The following IQGAP2 variants were observed in gnomAD, a reference collection of about 807,000 sequenced individuals.
IQGAP2 encodes the protein ras GTPase-activating-like protein IQGAP2.
In IQGAP2, 173 loss-of-function variants were observed where a neutral mutation model predicts 201.3. That is an observed-to-expected ratio of 0.86 (90% CI 0.76 to 0.98). The LOEUF is 0.98. Among genes scored for constraint, IQGAP2 ranks in the 50% least tolerant of loss-of-function variants. The probability of loss-of-function intolerance (pLI) is 0.00; values close to 1 mark genes in which losing one functional copy is unlikely to be tolerated. For synonymous variants in IQGAP2, 675 were observed against 673.9 expected (o/e 1.00, Z -0.03); for missense variants, 1,687 against 1,864.8 (o/e 0.90, Z 1.76).
At chr5:76,528,098 A>G (rs969642488) in intron 2 of IQGAP2, among the ~76,000 whole-genome samples, 1 of 152,146 alleles carries the variant, frequency 6.6e-6, no homozygotes, top group South Asian at 2.1e-4. Context: ...ATTCACTGAC[A>G]TGGATCTTGG....
At chr5:76,412,824 C>A (rs1751195236) in intron 1 of IQGAP2, among the ~76,000 whole-genome samples, 1 of 152,194 alleles carries the variant, frequency 6.6e-6, no homozygotes, top group South Asian at 2.1e-4. Context: ...TTGCTTCCAT[C>A]CCCTGTGGAA....
chr5:76,671,716 T>C, intron 23 of IQGAP2, 43 bp from the exon 24 acceptor site: 1 of 1,193,958 alleles, frequency 8.4e-7, no homozygotes, highest in Admixed American at 2.1e-5. Flanking sequence ...AAAATCTGTA[T>C]CCATGGAAGC....
intron 30 of IQGAP2, chr5:76,691,755 T>A (rs1448496384): frequency 1.3e-5 from 2 of 152,222 alleles, no homozygotes; most frequent in Admixed American, 6.5e-5. Flanking sequence ...GTGATTGTTC[T>A]TTTCACACAG....
chr5:76,705,081 C>T (rs569039770), intron 35 of IQGAP2, among the ~76,000 whole-genome samples: 10 of 152,106 alleles, frequency 6.6e-5, no homozygotes, highest in Admixed American at 3.3e-4. Context: ...AGGTATTTAT[C>T]GGGGACTGCA....
At chr5:76,531,096 C>G (rs1759263905) in intron 2 of IQGAP2, among the ~76,000 whole-genome samples, 1 of 152,116 alleles carries the variant, frequency 6.6e-6, no homozygotes, top group Admixed American at 6.6e-5. Flanking sequence ...TCTTTCAGTT[C>G]TGGAGGCTGG....
At chr5:76,435,018 G>A (rs1195653981) in intron 1 of IQGAP2, among the ~76,000 whole-genome samples, 2 of 150,940 alleles carry the variant, frequency 1.3e-5, no homozygotes, top group African/African-American at 2.4e-5. Flanking sequence ...AAATGTCTAC[G>A]CATGTCATTT....
At chr5:76,407,515 T>C (rs971465132) in intron 1 of IQGAP2, among the ~76,000 whole-genome samples, 4 of 152,202 alleles carry the variant, frequency 2.6e-5, no homozygotes, top group African/African-American at 9.7e-5. Flanking sequence ...GTTTGAACCA[T>C]AGAAAGGTAT....
chr5:76,508,004 C>CA (rs35283673), intron 2 of IQGAP2, among the ~76,000 whole-genome samples: 13,385 of 63,240 alleles, frequency 0.21, 1,457 homozygotes, highest in African/African-American at 0.3. Context: ...GACTCCTTCT[C>CA]AAAAAAAAAA....
At chr5:76,454,512 T>C (rs1195263748) in intron 1 of IQGAP2, among the ~76,000 whole-genome samples, 2 of 147,056 alleles carry the variant, frequency 1.4e-5, no homozygotes, top group Non-Finnish European at 3.0e-5. Context: ...TCATTGTTCA[T>C]TTCCCACCTA....
chr5:76,595,308 T>C (rs1305888022), intron 9 of IQGAP2, among the ~76,000 whole-genome samples: 1 of 143,380 alleles, frequency 7.0e-6, no homozygotes, highest in Non-Finnish European at 1.5e-5. Flanking sequence ...AGTCTGGTGT[T>C]AAACTCTTGG....
In IQGAP2 at chr5:76,403,644, C is replaced by G. The variant is rs1750633401; in HGVS notation, c.46+53C>G. On this transcript the variant is annotated intron_variant, in intron 1 of 35. Coordinates refer to ENST00000274364, the MANE Select transcript of IQGAP2 (RefSeq NM_006633.5). The surrounding 1 kb of genome is among the most constrained non-coding windows in gnomAD (Gnocchi z 4.8). ...TGCTGGCCTTGGGGAGCTCCCTCCC[C>G]GAGGACGGCGTTGGAGAAGCCGAGG... is the stretch of plus-strand genomic sequence containing the variant. 1.4e-6 allele frequency: 2 copies of G among 1,407,132 alleles called. No homozygotes were observed. The highest frequency in any genetic ancestry group is 1.5e-5 in the African/African-American group (1 of 66,614). 87.2% of individuals were successfully genotyped at this position (1,407,132 alleles called of 1,614,324 possible).
intron 2 of IQGAP2, among the ~76,000 whole-genome samples, chr5:76,505,653 ACTTT>A (rs1179320157): frequency 6.6e-6 from 1 of 152,150 alleles, no homozygotes; most frequent in Non-Finnish European, 1.5e-5. Context: ...TTCCAAGTCC[ACTTT>A]CCACTGCTTC....
chr5:76,433,739 A>G (rs1338795018), intron 1 of IQGAP2, among the ~76,000 whole-genome samples: 1 of 152,224 alleles, frequency 6.6e-6, no homozygotes, highest in Admixed American at 6.5e-5. Context: ...TACAAATGTC[A>G]GGAAGTTGAG....
chr5:76,584,820 C>A (rs928280207), intron 5 of IQGAP2, among the ~76,000 whole-genome samples: 1 of 152,156 alleles, frequency 6.6e-6, no homozygotes, highest in Non-Finnish European at 1.5e-5. Flanking sequence ...AGTCCCAGAT[C>A]AGAAGATGTC....
intron 2 of IQGAP2, among the ~76,000 whole-genome samples, chr5:76,509,067 A>G (rs66809740): frequency 0.22 from 33,076 of 150,240 alleles, 4,042 homozygotes; most frequent in African/African-American, 0.33. Flanking sequence ...GTATGTATGT[A>G]TGTGTGTGCA....
At chr5:76,676,589 T>A (rs1038025834) in intron 27 of IQGAP2, among the ~76,000 whole-genome samples, 1 of 152,278 alleles carries the variant, frequency 6.6e-6, no homozygotes, top group Non-Finnish European at 1.5e-5. Flanking sequence ...TCACTTCTCT[T>A]GATCTCTGTC....
At chr5:76,607,558 T>A (rs1728676979) in intron 12 of IQGAP2, 2 of 152,202 alleles carry the variant, frequency 1.3e-5, no homozygotes, top group Non-Finnish European at 2.9e-5. Context: ...GCATTTAAAG[T>A]CTCTGCGGTG....
intron 2 of IQGAP2, among the ~76,000 whole-genome samples, chr5:76,551,058 T>TG (rs1258070264): frequency 2.9e-5 from 4 of 135,642 alleles, no homozygotes; most frequent in Non-Finnish European, 6.4e-5. Flanking sequence ...ACGGGGTGGC[T>TG]GCCGGGCGGA....
intron 5 of IQGAP2, among the ~76,000 whole-genome samples, chr5:76,585,758 C>T (rs1746204807): frequency 7.2e-5 from 11 of 152,110 alleles, no homozygotes; most frequent in Admixed American, 7.2e-4. Flanking sequence ...AGGTGATTTG[C>T]CTGCCTCGGC....
Sources: allele counts gnomAD v4.1 joint callset (sites outside exome capture counted in the v4.1 genomes callset), GRCh38; gene constraint gnomAD v4.1.1; non-coding constraint Gnocchi (gnomAD v3.1); transcripts MANE v1.5; gene names NCBI Gene and HGNC (gene_info 2026-07-23, HGNC 2026-07-21).